The following FAM193A variants were observed in gnomAD, a reference collection of about 807,000 sequenced individuals.
FAM193A encodes the protein protein FAM193A.
Under a neutral mutation model 126.5 loss-of-function variants are expected in FAM193A, and 22 were observed. The ratio of observed to expected loss-of-function variants is 0.17; its 90% CI spans 0.12 to 0.25. The LOEUF is 0.25. FAM193A is among the 10% of genes least tolerant of loss of function. The pLI, the probability that FAM193A is intolerant of heterozygous loss-of-function variation, is 1.00. For synonymous variants in FAM193A, 761 were observed against 646.8 expected (o/e 1.18, Z -2.68); for missense variants, 1,675 against 1,672.8 (o/e 1.00, Z -0.02).
At chr4:2,580,639 T>G (rs991844370) in intron 1 of FAM193A, among the ~76,000 whole-genome samples, 1 of 152,168 alleles carries the variant, frequency 6.6e-6, no homozygotes, top group African/African-American at 2.4e-5. Flanking sequence ...GAAATCTGGT[T>G]GTTAAAAAGA....
chr4:2,690,372 G>C (rs1716228004), intron 14 of FAM193A, among the ~76,000 whole-genome samples: 1 of 152,202 alleles, frequency 6.6e-6, no homozygotes, highest in Non-Finnish European at 1.5e-5. Flanking sequence ...AGGATTTCTA[G>C]CTGTGTGACC....
chr4:2,672,942 C>T (rs963975700), intron 13 of FAM193A, among the ~76,000 whole-genome samples: 9 of 152,148 alleles, frequency 5.9e-5, no homozygotes, highest in Admixed American at 5.2e-4. Context: ...GCCAGAAACC[C>T]AGTGTGAAGA....
chr4:2,654,622 TC>T, intron 7 of FAM193A: 1 of 153,004 alleles, frequency 6.5e-6, no homozygotes, highest in East Asian at 1.9e-4. Context: ...ATCAAACAAC[TC>T]TTACACTGTA....
At chr4:2,577,119 G>C (rs752353304) in intron 1 of FAM193A, among the ~76,000 whole-genome samples, 1 of 151,918 alleles carries the variant, frequency 6.6e-6, no homozygotes, top group Non-Finnish European at 1.5e-5. Context: ...TATGGGGTCC[G>C]TGTAATATTT....
Position 2,717,290 on chromosome 4 carries a change from AAAC to A in FAM193A, c.4454+1192_4454+1194del, listed in dbSNP as rs553798513. ...TAAGCGTGCATTTGTATTATAATAA[AAAC>A]AACAAAACTGGACTAGAGGCTGCGC... On this transcript the variant is annotated intron_variant, in intron 20 of 20. Transcript: ENST00000637812. Among the ~76,000 whole-genome samples, 17 of 152,254 alleles carry A rather than the reference AAAC, an allele frequency of 1.1e-4. No individual in the cohort carries two copies. In the South Asian group the frequency reaches 2.9e-3, roughly 26 times the overall value.
chr4:2,723,748 T>C (rs2109409790), intron 20 of FAM193A, among the ~76,000 whole-genome samples: 1 of 152,314 alleles, frequency 6.6e-6, no homozygotes, highest in South Asian at 2.1e-4. Context: ...GCAAAAACCT[T>C]TATGTTTTGA....
rs558925183 is a variant in FAM193A, at chr4:2,569,128, C to T, written c.256-26956C>T. ...GGGACTACAGGTGTGCATCACCGCA[C>T]CTGGGTAATTTTTTTGTATATTAGT... On this transcript the variant is annotated intron_variant, in intron 1 of 20. Coordinates refer to ENST00000637812, the MANE Select transcript of FAM193A (RefSeq NM_001366318.2). Among the ~76,000 whole-genome samples the T allele has an allele frequency of 5.0e-3, 757 of 151,966 alleles. 8 individuals are homozygous for T. Among genetic ancestry groups the T allele is most frequent in the Non-Finnish European group, 8.1e-3 (548 of 67,964 alleles).
intron 1 of FAM193A, among the ~76,000 whole-genome samples, chr4:2,559,278 T>G (rs1040040503): frequency 1.5e-4 from 23 of 152,184 alleles, no homozygotes; most frequent in African/African-American, 5.6e-4. Flanking sequence ...AGACAGTATT[T>G]GTTAGCTGAG....
intron 1 of FAM193A, among the ~76,000 whole-genome samples, chr4:2,537,676 C>T (rs1229989000): frequency 6.6e-6 from 1 of 152,224 alleles, no homozygotes; most frequent in African/African-American, 2.4e-5. Flanking sequence ...CTCTGGCCAC[C>T]TTCGTTATTC....
intron 7 of FAM193A, among the ~76,000 whole-genome samples, chr4:2,648,891 C>G (rs1745394276): frequency 6.6e-6 from 1 of 152,156 alleles, no homozygotes; most frequent in Admixed American, 6.5e-5. Flanking sequence ...GTCCAGGTCA[C>G]CACTCCCTGG....
chr4:2,651,954 G>A (rs1465179355), intron 7 of FAM193A, among the ~76,000 whole-genome samples: 1 of 152,200 alleles, frequency 6.6e-6, no homozygotes, highest in Non-Finnish European at 1.5e-5. Flanking sequence ...TTCGAAGGCA[G>A]AGTGGGCTGT....
At chr4:2,731,603 C>A (rs1721403310) in intron 20 of FAM193A, among the ~76,000 whole-genome samples, 172 bp from the exon 21 acceptor site, 1 of 152,020 alleles carries the variant, frequency 6.6e-6, no homozygotes, top group African/African-American at 2.4e-5. Context: ...TCAAGTGCAG[C>A]CTGTAGCAGG....
intron 1 of FAM193A, among the ~76,000 whole-genome samples, chr4:2,584,594 T>TTTTG (rs1740130176): frequency 6.6e-6 from 1 of 152,142 alleles, no homozygotes; most frequent in African/African-American, 2.4e-5. Flanking sequence ...TGCTAAAGGC[T>TTTTG]ACTACTCGAT....
chr4:2,661,941 T>C (rs553212016), intron 10 of FAM193A, among the ~76,000 whole-genome samples: 19 of 152,298 alleles, frequency 1.2e-4, no homozygotes, highest in African/African-American at 4.3e-4. Context: ...CCCAGCACTT[T>C]GGGAGGCCGA....
intron 1 of FAM193A, among the ~76,000 whole-genome samples, chr4:2,588,937 G>C (rs191040229): frequency 2.2e-4 from 33 of 152,252 alleles, no homozygotes; most frequent in Admixed American, 2.2e-3. Flanking sequence ...ATGTAAGTCT[G>C]CTGCTATTAA....
At chr4:2,580,434 A>G (rs903758473) in intron 1 of FAM193A, among the ~76,000 whole-genome samples, 1 of 152,174 alleles carries the variant, frequency 6.6e-6, no homozygotes, top group Non-Finnish European at 1.5e-5. Context: ...CGCCTGTGAC[A>G]CATGTTTACC....
At chr4:2,682,694 C>G (rs1245387852) in intron 13 of FAM193A, among the ~76,000 whole-genome samples, 1 of 152,078 alleles carries the variant, frequency 6.6e-6, no homozygotes, top group African/African-American at 2.4e-5. Flanking sequence ...TGCAGTTGCC[C>G]TGGAGTTTAC....
intron 12 of FAM193A, among the ~76,000 whole-genome samples, chr4:2,667,265 T>C (rs191658957): frequency 4.6e-5 from 7 of 152,292 alleles, no homozygotes; most frequent in Admixed American, 1.3e-4. Context: ...TTCCTGAGAG[T>C]AGAGCCTTCC....
At chr4:2,678,506 G>T (rs955613916) in intron 13 of FAM193A, among the ~76,000 whole-genome samples, 2 of 151,964 alleles carry the variant, frequency 1.3e-5, no homozygotes, top group African/African-American at 4.8e-5. Context: ...GGGATTACAG[G>T]CATGCGCCTC....
Sources: gnomAD v4.1 joint callset for allele counts (sites outside exome capture counted in the v4.1 genomes callset) on GRCh38, gnomAD v4.1.1 for gene constraint, MANE v1.5 for transcripts, NCBI Gene and HGNC (gene_info 2026-07-23, HGNC 2026-07-21) for gene names.